FAT4: variants seen among roughly 807,000 people sequenced by gnomAD.
FAT4 encodes protocadherin Fat 4.
Under a neutral mutation model 303.9 loss-of-function variants are expected in FAT4, and 84 were observed. The observed-to-expected ratio is 0.28, with a 90% confidence interval of 0.23 to 0.33. The LOEUF is 0.33. Ranked by LOEUF, FAT4 falls within the 10% of genes least tolerant of loss-of-function variation. The pLI, the probability that FAT4 is intolerant of heterozygous loss-of-function variation, is 1.00. For missense variants in FAT4, 6,005 were observed against 6,146.8 expected, an observed-to-expected ratio of 0.98 and a Z score of 0.77; for synonymous variants, 2,307 against 2,298.8, an observed-to-expected ratio of 1.00 and a Z score of -0.10.
intron 12 of FAT4, among the ~76,000 whole-genome samples, chr4:125,470,038 T>G (rs964283265): frequency 6.6e-6 from 1 of 152,222 alleles, no homozygotes; most frequent in African/African-American, 2.4e-5. Context: ...GTCTGGATGC[T>G]GTGTTAGCAA....
intron 8 of FAT4, among the ~76,000 whole-genome samples, chr4:125,441,644 G>A (rs1022021474): frequency 6.6e-6 from 1 of 152,184 alleles, no homozygotes; most frequent in Admixed American, 6.5e-5. Context: ...GCAGAAGTAT[G>A]CATCAACATG....
At chr4:125,358,665 G>A (rs957382483) in intron 2 of FAT4, among the ~76,000 whole-genome samples, 1 of 152,084 alleles carries the variant, frequency 6.6e-6, no homozygotes, top group South Asian at 2.1e-4. Context: ...TAGAGATGAA[G>A]CTTCACTCCC....
At chr4:125,472,380 AAT>A in intron 12 of FAT4, among the ~76,000 whole-genome samples, 1 of 152,154 alleles carries the variant, frequency 6.6e-6, no homozygotes, top group Non-Finnish European at 1.5e-5. Flanking sequence ...TATATTGCTG[AAT>A]GCATATCAGC....
At chr4:125,448,068 A>G (rs1725889850) in intron 9 of FAT4, among the ~76,000 whole-genome samples, 1 of 152,102 alleles carries the variant, frequency 6.6e-6, no homozygotes. Context: ...GTATCATTGC[A>G]TTGGGTAGAG....
At chr4:125,468,115 C>T (rs1012926179) in intron 11 of FAT4, among the ~76,000 whole-genome samples, 4 of 151,838 alleles carry the variant, frequency 2.6e-5, no homozygotes, top group African/African-American at 9.7e-5. Context: ...AGTGAGCAGG[C>T]ACTCTAGTCT....
At position 125,408,745 on chromosome 4, in the gene FAT4, A is replaced by G. The variant is rs766136442; in HGVS notation, c.5871A>G (p.Leu1957=). ...ACAGCACATCTTTAATGGAGAATCT[A>G]CCTGTGGGATCTACTGTTCTTGTGT... ...NSYSTSLMEN[L]PVGSTVLVFN... is the part of the protein sequence containing the mutation. Residue 1957 remains leucine (L), a synonymous_variant, in exon 5 of 18, where the codon CTA becomes CTG. Transcript: ENST00000394329. The G allele has an allele frequency of 1.2e-6, 2 of 1,604,886 alleles. No individual in the cohort carries two copies. Among genetic ancestry groups the G allele is most frequent in the Admixed American group, 1.7e-5 (1 of 59,130 alleles).
intron 2 of FAT4, among the ~76,000 whole-genome samples, chr4:125,352,329 C>T (rs886422919): frequency 1.3e-5 from 2 of 151,534 alleles, no homozygotes; most frequent in African/African-American, 4.8e-5. Flanking sequence ...ACTAGTACTT[C>T]TCACCCTCTT....
Position 125,452,294 on chromosome 4 carries a change from A to G in FAT4, c.11284A>G (p.Thr3762Ala), listed in dbSNP as rs1344591302. The change falls in exon 10 of 18, where the codon ACG becomes GCG. Residue 3762 changes from threonine to alanine, a missense_variant. Thr to Ala is a moderately conservative substitution (Grantham distance 58). Coordinates refer to ENST00000394329, the MANE Select transcript of FAT4 (RefSeq NM_001291303.3). ...LYSAYEENNR[T>A]FLLAAVKRNH... is the part of the protein sequence containing the mutation. ...CAGTGCATATGAAGAGAACAATAGAACGTTTCTTTTGGCAGCTGTGAAGCG... is the reference window on the plus strand; with the variant it reads ...CAGTGCATATGAAGAGAACAATAGAGCGTTTCTTTTGGCAGCTGTGAAGCG... The G allele has an allele frequency of 6.2e-7, 1 of 1,614,210 alleles. No individual in the cohort carries two copies. Among genetic ancestry groups the G allele is most frequent in the Non-Finnish European group, 8.5e-7 (1 of 1,180,038 alleles).
rs1274655349 is a variant in FAT4, at chr4:125,317,487, C to G, written c.1076C>G (p.Pro359Arg). 3.7e-6 allele frequency: 6 copies of G among 1,613,636 alleles called. No individual in the cohort carries two copies. Residue 359 changes from proline to arginine, a missense_variant, in exon 2 of 18, where the codon CCG becomes CGG. Transcript: ENST00000394329. This position sits in a 1 kb window ranked among gnomAD's most constrained non-coding sequence, Gnocchi z 7.0. ...CCGGTAGTGAAGTTCCGCTACTTCC[C>G]GGCCACCTCGCGCTACGCCTCGGTA... The part of the protein sequence containing the change: ...NDPVVKFRYF[P>R]ATSRYASVDE...
intron 2 of FAT4, among the ~76,000 whole-genome samples, chr4:125,353,132 C>T (rs1732294160): frequency 6.6e-6 from 1 of 151,584 alleles, no homozygotes; most frequent in Non-Finnish European, 1.5e-5. Context: ...TTTTATGTGA[C>T]CAAAATCGGA....
At position 125,490,456 on chromosome 4, in the gene FAT4, A is replaced by C; in HGVS notation, c.13640A>C (p.Glu4547Ala). 3 of 1,614,152 alleles carry C rather than the reference A, an allele frequency of 1.9e-6. No homozygotes were observed. The highest frequency in any genetic ancestry group is 2.5e-6 in the Non-Finnish European group (3 of 1,180,032). ...CCCAAAGAGGAGAAGAAACCGAAGG[A>C]GAAGAAGAAAAAGGGAAGTGAGAAC... Reference protein sequence around the residue: ...KNPKEEKKPKEKKKKGSENVA... With the variant: ...KNPKEEKKPKAKKKKGSENVA... Residue 4547 changes from glutamate to alanine, a missense_variant, in exon 18 of 18, where the codon GAG (glutamate) becomes GCG (alanine). Physicochemically the swap from Glu to Ala is moderately radical, Grantham distance 107 (BLOSUM62 -1). Transcript: ENST00000394329.
intron 14 of FAT4, among the ~76,000 whole-genome samples, chr4:125,478,775 A>C (rs996645161): frequency 2.6e-5 from 4 of 151,866 alleles, no homozygotes; most frequent in African/African-American, 9.7e-5. Flanking sequence ...ATGATCCACC[A>C]CCTCAGCCTC....
chr4:125,452,502 G>C lies in FAT4; in HGVS notation c.11492G>C (p.Ser3831Thr), dbSNP rs1414624190. 11 of 1,613,882 alleles carry C rather than the reference G, an allele frequency of 6.8e-6. No homozygotes were observed. The highest frequency in any genetic ancestry group is 9.3e-6 in the Non-Finnish European group (11 of 1,180,036). ...RRLAVSSVLK[S>T]RESLPVIIVA... ...TTGGCTGTGAGCTCCGTATTAAAAA[G>C]CCGTGAGAGTCTTCCAGTCATCATC... The change falls in exon 10 of 18, where the codon AGC becomes ACC. Residue 3831 changes from serine (S) to threonine (T), a missense_variant. By Grantham distance (58) the Ser-to-Thr change is moderately conservative. Transcript: ENST00000394329.
rs930975243 is a variant in FAT4, at chr4:125,393,585, T to C, written c.5176-5199T>C. Among the ~76,000 whole-genome samples the C allele has an allele frequency of 7.2e-5, 11 of 152,242 alleles. No individual in the cohort carries two copies. In the South Asian group the frequency reaches 1.9e-3, roughly 26 times the overall value. On this transcript the variant is annotated intron_variant, in intron 2 of 17. Transcript: ENST00000394329. ...TGTAGAGCAAAATAAAATGATAGAC[T>C]GCATATTATAAAAAAAAGAGAAAAG...
chr4:125,451,216 C>A lies in FAT4; in HGVS notation c.10206C>A (p.Asp3402Glu). 6.2e-7 allele frequency: 1 copy of A among 1,614,042 alleles called. No homozygotes were observed. Among genetic ancestry groups the A allele is most frequent in the South Asian group, 1.1e-5 (1 of 91,080 alleles). Residue 3402 changes from aspartate (D) to glutamate (E), a missense_variant, in exon 10 of 18, where the codon GAC (aspartate) becomes GAA (glutamate). By Grantham distance (45) the Asp-to-Glu change is conservative (BLOSUM62 2). Transcript: ENST00000394329. ...TVNVTVLDAN[D>E]PPIFTLNIYS... The stretch of plus-strand genomic sequence containing the variant: ...ATGTCACCGTGCTTGATGCAAATGA[C>A]CCACCCATTTTTACTCTAAACATCT...
chr4:125,412,857 C>A (rs898774363), intron 5 of FAT4, among the ~76,000 whole-genome samples: 2 of 151,666 alleles, frequency 1.3e-5, no homozygotes, highest in African/African-American at 4.8e-5. Flanking sequence ...TATTTATTTT[C>A]ATTCATGTGT....
rs1386510271 is a variant in FAT4 at position 125,315,928 on chromosome 4, G to A, written c.-62G>A. Among the ~76,000 whole-genome samples, 2 of 152,152 alleles carry A rather than the reference G, an allele frequency of 1.3e-5. No individual in the cohort carries two copies. Among genetic ancestry groups the A allele is most frequent in the Non-Finnish European group, 2.9e-5 (2 of 68,030 alleles). On this transcript the variant is annotated 5_prime_UTR_variant, in exon 1 of 18. Coordinates refer to ENST00000394329, the MANE Select transcript of FAT4 (RefSeq NM_001291303.3). ...TTCCCCACCACCCCTTCCCCGGTGC[G>A]CAGTTGTGCTTGGACGTTTGTTCCT... is the stretch of plus-strand genomic sequence containing the variant.
chr4:125,415,359 A>G lies in FAT4; in HGVS notation c.6396A>G (p.Pro2132=), dbSNP rs774969031. Residue 2132 remains proline, a synonymous_variant, in exon 6 of 18, where the codon CCA becomes CCG. Coordinates refer to ENST00000394329, the MANE Select transcript of FAT4 (RefSeq NM_001291303.3). The stretch of plus-strand genomic sequence containing the variant: ...TGGTGGCTACAGACAAAGGTCAACC[A>G]TCTCTCTCTTCATCTACAGAGGTTG... ...LTVVATDKGQ[P]SLSSSTEVVV... 1.9e-6 allele frequency: 3 copies of G among 1,614,032 alleles called. No individual in the cohort carries two copies. The highest frequency in any genetic ancestry group is 4.5e-5 in the East Asian group (2 of 44,854).
In FAT4 at chr4:125,318,007, G is replaced by A; in HGVS notation, c.1596G>A (p.Val532=). ...ATATCAGTGAACATAGCGGCCTCGT[G>A]ACCACTGGGTCCTCTGGGGGCCTGG... ...WFHISEHSGL[V]TTGSSGGLDR... is the part of the protein sequence containing the mutation. Residue 532 remains valine (V), a synonymous_variant, in exon 2 of 18, where the codon GTG becomes GTA. Transcript: ENST00000394329. 1 of 1,614,188 alleles carries A rather than the reference G, an allele frequency of 6.2e-7. No homozygotes were observed. The highest frequency in any genetic ancestry group is 8.5e-7 in the Non-Finnish European group (1 of 1,180,036).
Sources: allele counts gnomAD v4.1 joint callset (sites outside exome capture counted in the v4.1 genomes callset), GRCh38; gene constraint gnomAD v4.1.1; non-coding constraint Gnocchi (gnomAD v3.1); transcripts MANE v1.5; gene names NCBI Gene and HGNC (gene_info 2026-07-23, HGNC 2026-07-21).